The following R3HDM2 variants were observed in gnomAD, a reference collection of about 807,000 sequenced individuals.
The protein encoded by R3HDM2 is R3H domain containing 2.
A neutral mutation model predicts 124.5 loss-of-function variants in R3HDM2; 38 were observed. The ratio of observed to expected loss-of-function variants is 0.31; its 90% CI spans 0.24 to 0.40. The LOEUF is 0.40. Among genes scored for constraint, R3HDM2 ranks in the 10% least tolerant of loss-of-function variants. R3HDM2 has a pLI of 1.00. For synonymous variants in R3HDM2, 391 were observed against 448.0 expected (o/e 0.87, Z 1.61); for missense variants, 869 against 1,236.9 (o/e 0.70, Z 4.46).
chr12:57,394,964 C>T (rs888768746), intron 2 of R3HDM2, among the ~76,000 whole-genome samples: 1 of 152,022 alleles, frequency 6.6e-6, no homozygotes, highest in African/African-American at 2.4e-5. Flanking sequence ...AAACCCAGCA[C>T]TTTGGGAGGC....
At chr12:57,275,073 A>G (rs983753699) in intron 14 of R3HDM2, among the ~76,000 whole-genome samples, 16 of 152,256 alleles carry the variant, frequency 1.1e-4, no homozygotes, top group Admixed American at 1.3e-4. Context: ...AAAGTATACT[A>G]TAAGGTTATA....
intron 1 of R3HDM2, chr12:57,430,489 G>GGCCCCCCC: frequency 3.8e-6 from 3 of 790,566 alleles, no homozygotes; most frequent in Non-Finnish European, 4.6e-6. Flanking sequence ...CCACCCCCCT[G>GGCCCCCCC]CCCCCGCACC....
chr12:57,295,538 G>C, intron 9 of R3HDM2, 31 bp from the exon 10 acceptor site: 3 of 1,486,312 alleles, frequency 2.0e-6, no homozygotes, highest in Non-Finnish European at 1.8e-6. Context: ...TGAAAGGAAA[G>C]GAGGACAAAG....
At chr12:57,386,295 T>C (rs565366938) in intron 2 of R3HDM2, among the ~76,000 whole-genome samples, 2 of 152,224 alleles carry the variant, frequency 1.3e-5, no homozygotes, top group South Asian at 2.1e-4. Flanking sequence ...TCCCTCAGCT[T>C]GCGGGGAGGT....
At chr12:57,297,631 A>G (rs1566023486) in intron 7 of R3HDM2, 1 of 411,680 alleles carries the variant, frequency 2.4e-6, no homozygotes, top group Non-Finnish European at 4.3e-6. Context: ...GTTATACCAT[A>G]TCAGAAATCT....
Position 57,258,141 on chromosome 12 carries a change from T to G in R3HDM2, c.2302-4A>C. On this transcript the variant is annotated splice_polypyrimidine_tract_variant and splice_region_variant and intron_variant, in intron 20 of 23. Transcript: ENST00000402412. ...TGCTGCTCATTTGTGTGTTGGCCTG[T>G]GGAAAAGAGGAGCACACGTCACATA... The G allele has an allele frequency of 6.5e-7, 1 of 1,531,196 alleles. No individual in the cohort carries two copies. Among genetic ancestry groups the G allele is most frequent in the Non-Finnish European group, 8.8e-7 (1 of 1,132,172 alleles). The allele number at this position is 1,531,196 out of a possible 1,614,324, so 94.9% of individuals were successfully genotyped here. A position where few individuals can be genotyped will look rare whatever the true frequency, so the allele number is the denominator to read the frequency against.
At chr12:57,417,809 T>C (rs1330419940) in intron 1 of R3HDM2, among the ~76,000 whole-genome samples, 3 of 152,120 alleles carry the variant, frequency 2.0e-5, no homozygotes, top group African/African-American at 7.2e-5. Flanking sequence ...CCTCAAAATA[T>C]TACTGGGTTA....
At chr12:57,384,353 C>CAAAAA (rs55693368) in intron 2 of R3HDM2, among the ~76,000 whole-genome samples, 1 of 117,750 alleles carries the variant, frequency 8.5e-6, no homozygotes, top group African/African-American at 3.3e-5. Flanking sequence ...GACTCTGTCT[C>CAAAAA]AAAAAAAAAA....
intron 2 of R3HDM2, among the ~76,000 whole-genome samples, chr12:57,317,709 G>A (rs1159906364): frequency 4.6e-5 from 7 of 150,820 alleles, no homozygotes; most frequent in African/African-American, 9.7e-5. Flanking sequence ...ACAGAGGAAC[G>A]GGCCAGGCCG....
chr12:57,266,930 A>G, intron 18 of R3HDM2, 99 bp from the exon 19 acceptor site: 1 of 855,720 alleles, frequency 1.2e-6, no homozygotes, highest in African/African-American at 1.7e-5. Context: ...TATGGGAAGG[A>G]GAGGCAACTT....
chr12:57,253,775 A>AT lies in R3HDM2; in HGVS notation c.*997dup, dbSNP rs879376080. 3.7e-3 allele frequency: 670 copies of AT among 180,874 alleles called. No homozygotes were observed. Among genetic ancestry groups the AT allele is most frequent in the South Asian group, 9.1e-3 (83 of 9,150 alleles). The allele number at this position is 180,874 out of a possible 1,614,324, so 11.2% of individuals were successfully genotyped here. On this transcript the variant is annotated 3_prime_UTR_variant, in exon 24 of 24. Coordinates refer to ENST00000402412, the MANE Select transcript of R3HDM2 (RefSeq NM_001394031.1). Reference sequence around the variant, plus strand: ...AACAGTGACTGATGTCCAGTGACAGATTTTTTTTTTTATATTTAAAAACAA... The same window carrying AT: ...AACAGTGACTGATGTCCAGTGACAGATTTTTTTTTTTTATATTTAAAAACAA...
chr12:57,371,487 G>T (rs1021450427), intron 2 of R3HDM2, among the ~76,000 whole-genome samples: 1 of 152,098 alleles, frequency 6.6e-6, no homozygotes, highest in African/African-American at 2.4e-5. Flanking sequence ...TCTGTAGTAA[G>T]ATAAGAAGAC....
At chr12:57,364,210 C>T (rs1390173958) in intron 2 of R3HDM2, among the ~76,000 whole-genome samples, 1 of 135,688 alleles carries the variant, frequency 7.4e-6, no homozygotes, top group Non-Finnish European at 1.5e-5. Context: ...TGCAGTGGTG[C>T]GATCTCAGTC....
chr12:57,366,135 TCTTCA>T (rs963032524), intron 2 of R3HDM2, among the ~76,000 whole-genome samples: 1 of 152,218 alleles, frequency 6.6e-6, no homozygotes, highest in African/African-American at 2.4e-5. Flanking sequence ...TCACTGACAC[TCTTCA>T]CTTATTTTTT....
intron 2 of R3HDM2, among the ~76,000 whole-genome samples, chr12:57,370,400 G>C (rs11172185): frequency 8.6e-5 from 10 of 115,630 alleles, no homozygotes; most frequent in African/African-American, 1.5e-4. Flanking sequence ...GGAGGCCCGG[G>C]GGGGGGGGGC....
chr12:57,408,507 G>A (rs2068728395), intron 1 of R3HDM2, among the ~76,000 whole-genome samples: 1 of 152,100 alleles, frequency 6.6e-6, no homozygotes, highest in South Asian at 2.1e-4. Flanking sequence ...AAGACAGGCG[G>A]ATTGCTTAAG....
intron 2 of R3HDM2, among the ~76,000 whole-genome samples, chr12:57,387,053 A>C (rs2065942031): frequency 6.6e-6 from 1 of 152,042 alleles, no homozygotes; most frequent in African/African-American, 2.4e-5. Context: ...GGGGACGTGG[A>C]GAACTTTTGT....
chr12:57,378,104 AAAAC>A (rs1042664055), intron 2 of R3HDM2, among the ~76,000 whole-genome samples: 4 of 152,184 alleles, frequency 2.6e-5, no homozygotes, highest in Non-Finnish European at 5.9e-5. Context: ...GTCTCAACAA[AAAAC>A]AAACAAACAA....
At chr12:57,317,034 A>G (rs764664523) in intron 2 of R3HDM2, among the ~76,000 whole-genome samples, 52 of 151,968 alleles carry the variant, frequency 3.4e-4, no homozygotes, top group Non-Finnish European at 6.5e-4. Flanking sequence ...GGCGTGAGAC[A>G]TCGCACCTGG....
Sources: allele counts gnomAD v4.1 joint callset (sites outside exome capture counted in the v4.1 genomes callset), GRCh38; gene constraint gnomAD v4.1.1; transcripts MANE v1.5; gene names NCBI Gene and HGNC (gene_info 2026-07-23, HGNC 2026-07-21).